The following NPAS3 variants were observed in gnomAD, a reference collection of about 807,000 sequenced individuals.
NPAS3 encodes neuronal PAS domain protein 3.
A neutral mutation model predicts 73.1 loss-of-function variants in NPAS3; 14 were observed. That is an observed-to-expected ratio of 0.19 (90% CI 0.13 to 0.30). NPAS3 has a LOEUF of 0.30. Among genes scored for constraint, NPAS3 ranks in the 10% least tolerant of loss-of-function variants. The pLI is 1.00. For synonymous variants in NPAS3, 620 were observed against 541.5 expected (o/e 1.14, Z -2.01); for missense variants, 1,096 against 1,250.0 (o/e 0.88, Z 1.86).
intron 4 of NPAS3, among the ~76,000 whole-genome samples, chr14:33,547,771 C>T (rs1229225571): frequency 6.6e-6 from 1 of 152,220 alleles, no homozygotes; most frequent in Non-Finnish European, 1.5e-5. Context: ...TGTACTTCCT[C>T]ACTTTTTCAG....
intron 1 of NPAS3, among the ~76,000 whole-genome samples, chr14:32,992,625 T>C (rs989256130): frequency 3.3e-5 from 5 of 152,160 alleles, no homozygotes; most frequent in Non-Finnish European, 7.3e-5. Context: ...TCAGGGAGTA[T>C]AGTGACCATA....
At chr14:32,981,269 A>G (rs764155590) in intron 1 of NPAS3, among the ~76,000 whole-genome samples, 14 of 152,210 alleles carry the variant, frequency 9.2e-5, no homozygotes, top group Non-Finnish European at 1.8e-4. Context: ...ATCCATTCAC[A>G]TGCCTAGCAC....
At chr14:33,309,662 A>C (rs1356527630) in intron 3 of NPAS3, among the ~76,000 whole-genome samples, 2 of 152,202 alleles carry the variant, frequency 1.3e-5, no homozygotes, top group East Asian at 3.9e-4. Flanking sequence ...GTACCACTTT[A>C]AAGGAATGAC....
chr14:32,943,385 C>T (rs2036110867), intron 1 of NPAS3, among the ~76,000 whole-genome samples: 1 of 152,116 alleles, frequency 6.6e-6, no homozygotes. Flanking sequence ...GAATTTTGAT[C>T]TTCCCCTGTA....
intron 4 of NPAS3, among the ~76,000 whole-genome samples, chr14:33,559,208 A>T (rs1407583047): frequency 6.6e-6 from 1 of 152,140 alleles, no homozygotes; most frequent in African/African-American, 2.4e-5. Flanking sequence ...ATAGAAACTA[A>T]AACTGTCACT....
At chr14:33,572,111 G>A (rs1206906253) in intron 5 of NPAS3, among the ~76,000 whole-genome samples, 1 of 151,988 alleles carries the variant, frequency 6.6e-6, no homozygotes, top group African/African-American at 2.4e-5. Context: ...CTTTCATAGG[G>A]TGGCTGAGGG....
chr14:33,245,333 A>T (rs2048339767), intron 3 of NPAS3, among the ~76,000 whole-genome samples: 1 of 152,140 alleles, frequency 6.6e-6, no homozygotes, highest in African/African-American at 2.4e-5. Context: ...GGATTATCTC[A>T]TCTAATCCTC....
chr14:33,518,657 A>C (rs2053419918), intron 4 of NPAS3, among the ~76,000 whole-genome samples: 1 of 138,804 alleles, frequency 7.2e-6, no homozygotes, highest in Non-Finnish European at 1.5e-5. Flanking sequence ...CTTGACCTGG[A>C]ATACATCCTC....
chr14:33,302,960 A>C (rs992683734), intron 3 of NPAS3, among the ~76,000 whole-genome samples: 34 of 152,058 alleles, frequency 2.2e-4, no homozygotes, highest in African/African-American at 8.2e-4. Flanking sequence ...ATTAGCACCA[A>C]AAAAGCTGTT....
intron 5 of NPAS3, among the ~76,000 whole-genome samples, chr14:33,635,767 C>G (rs1398230233): frequency 1.3e-5 from 2 of 152,240 alleles, no homozygotes; most frequent in African/African-American, 4.8e-5. Flanking sequence ...TCTTTGTCCT[C>G]TGCCCCACTC....
intron 7 of NPAS3, among the ~76,000 whole-genome samples, chr14:33,766,215 A>G (rs1355997996): frequency 6.6e-6 from 1 of 152,188 alleles, no homozygotes; most frequent in Non-Finnish European, 1.5e-5. Context: ...GGACTTTAGT[A>G]TGTCAAGGAG....
intron 1 of NPAS3, among the ~76,000 whole-genome samples, chr14:32,951,679 G>A (rs567709566): frequency 1.3e-5 from 2 of 152,112 alleles, no homozygotes; most frequent in Non-Finnish European, 2.9e-5. Flanking sequence ...GAAGAAGGAA[G>A]TTAACAATGT....
chr14:33,456,058 C>G (rs1454832155), intron 4 of NPAS3, among the ~76,000 whole-genome samples: 3 of 152,092 alleles, frequency 2.0e-5, no homozygotes. Flanking sequence ...ATTGATGATC[C>G]CATTTCAATC....
At chr14:33,617,455 T>G (rs2057953899) in intron 5 of NPAS3, among the ~76,000 whole-genome samples, 1 of 152,156 alleles carries the variant, frequency 6.6e-6, no homozygotes, top group Admixed American at 6.5e-5. Flanking sequence ...CCCACAAAGA[T>G]GCTGCCCACA....
intron 7 of NPAS3, among the ~76,000 whole-genome samples, chr14:33,744,214 G>C (rs1185793208): frequency 6.6e-6 from 1 of 152,140 alleles, no homozygotes; most frequent in Non-Finnish European, 1.5e-5. Context: ...TTGATTTAAA[G>C]TTAGAGATGT....
chr14:33,544,656 G>A (rs1384058407), intron 4 of NPAS3, among the ~76,000 whole-genome samples: 2 of 151,148 alleles, frequency 1.3e-5, no homozygotes, highest in African/African-American at 4.9e-5. Context: ...CACCTTGACT[G>A]TGGACTTCCT....
At chr14:33,679,015 A>G (rs1177116919) in intron 6 of NPAS3, among the ~76,000 whole-genome samples, 1 of 152,116 alleles carries the variant, frequency 6.6e-6, no homozygotes. Context: ...TACTCTATCA[A>G]TCATTTAACA....
chr14:33,572,234 A>T (rs193010182), intron 5 of NPAS3, among the ~76,000 whole-genome samples: 1 of 152,290 alleles, frequency 6.6e-6, no homozygotes, highest in Non-Finnish European at 1.5e-5. Context: ...GAGGTATTTC[A>T]ATCATTCTGT....
In NPAS3 at chr14:33,385,167, G is replaced by A. The variant is rs1110869; in HGVS notation, c.468+17899G>A. On this transcript the variant is annotated intron_variant, in intron 4 of 11. Coordinates refer to ENST00000356141, the Ensembl canonical transcript of NPAS3. ...TTGCGGCTCCCAGTTGGAAGGAAAA[G>A]TTCATCCCATGGCTTATTTGAAAAG... Among the ~76,000 whole-genome samples, 1,006 of 152,258 alleles carry A rather than the reference G, an allele frequency of 6.6e-3. 7 individuals are homozygous for A. The highest frequency in any genetic ancestry group is 0.011 in the Non-Finnish European group (749 of 68,018).
Sources: allele counts gnomAD v4.1 joint callset (sites outside exome capture counted in the v4.1 genomes callset), GRCh38; gene constraint gnomAD v4.1.1; transcripts MANE v1.5; gene names NCBI Gene and HGNC (gene_info 2026-07-23, HGNC 2026-07-21).